The following DPP6 variants were observed in gnomAD, a reference collection of about 807,000 sequenced individuals.
DPP6 encodes the protein dipeptidyl peptidase like 6.
Under a neutral mutation model 122.6 loss-of-function variants are expected in DPP6, and 69 were observed. The observed-to-expected ratio is 0.56, with a 90% CI of 0.46 to 0.69. The LOEUF is 0.69. DPP6 is among the 30% of genes least tolerant of loss of function. The pLI is 0.00. For synonymous variants in DPP6, 418 were observed against 433.1 expected (o/e 0.97, Z 0.43); for missense variants, 928 against 1,116.9 (o/e 0.83, Z 2.41).
At position 154,647,898 on chromosome 7, in the gene DPP6, C is replaced by T. The variant is rs562677113; in HGVS notation, c.680+10025C>T. On this transcript the variant is annotated intron_variant, in intron 6 of 25. Coordinates refer to ENST00000377770, the MANE Select transcript of DPP6 (RefSeq NM_130797.4). Reference sequence around the variant, plus strand: ...AAAGAGAAAGGCCCATGGGTGTCTCCCTGGGTGGCCAAGCCTGGTTCATGT... The same window carrying T: ...AAAGAGAAAGGCCCATGGGTGTCTCTCTGGGTGGCCAAGCCTGGTTCATGT... 3.9e-5 allele frequency among the ~76,000 whole-genome samples: 6 copies of T among 151,990 alleles called. No individual in the cohort carries two copies. In the South Asian group the frequency reaches 1.3e-3, roughly 32 times the overall value.
chr7:154,184,002 G>T (rs533797355), intron 1 of DPP6, among the ~76,000 whole-genome samples: 6 of 152,252 alleles, frequency 3.9e-5, no homozygotes, highest in African/African-American at 1.4e-4. Flanking sequence ...AGATTAAGTG[G>T]ATAATGGCCA....
At chr7:153,825,551 C>G in the DPP6 span, among the ~76,000 whole-genome samples, 4 of 151,240 alleles carry the variant, frequency 2.6e-5, no homozygotes, top group Non-Finnish European at 4.4e-5. Context: ...CCATTTTTTT[C>G]TTTTGTTTTG....
intron 1 of DPP6, among the ~76,000 whole-genome samples, chr7:154,062,003 A>G: frequency 1.0e-5 from 1 of 97,596 alleles, no homozygotes; most frequent in Admixed American, 1.1e-4. Context: ...GGCTGTTGGT[A>G]CCCCCATCGC....
intron 1 of DPP6, among the ~76,000 whole-genome samples, chr7:154,388,629 C>T (rs1352244999): frequency 1.3e-5 from 2 of 151,972 alleles, no homozygotes; most frequent in East Asian, 3.9e-4. Context: ...GCCCTGATGC[C>T]CAGGCCAGCG....
At chr7:154,273,830 G>A (rs1470631839) in intron 1 of DPP6, among the ~76,000 whole-genome samples, 1 of 152,202 alleles carries the variant, frequency 6.6e-6, no homozygotes, top group East Asian at 1.9e-4. Context: ...ACAATTAGGA[G>A]AAAAATTGGA....
At chr7:154,824,145 G>C (rs188723327) in intron 16 of DPP6, among the ~76,000 whole-genome samples, 2 of 152,240 alleles carry the variant, frequency 1.3e-5, no homozygotes, top group Admixed American at 1.3e-4. Context: ...AGGATTCCTC[G>C]CCTTACACAA....
chr7:154,821,657 TATATATAC>T lies in DPP6; in HGVS notation c.1666+14547_1666+14554del, dbSNP rs1382979650. 8.8e-3 allele frequency among the ~76,000 whole-genome samples: 1,266 copies of T among 144,098 alleles called. 15 individuals carry two copies. Among genetic ancestry groups the T allele is most frequent in the African/African-American group, 0.031 (1,205 of 38,262 alleles). 94.5% of individuals were successfully genotyped at this position (144,098 alleles called of 152,430 possible). A position where few individuals can be genotyped will look rare whatever the true frequency, so the allele number is the denominator to read the frequency against. ...ATATATATATATATACACATATATATATATATACACATATATATATACACACACATATA... is the reference window on the plus strand; with the variant it reads ...ATATATATATATATACACATATATATACATATATATATACACACACATATA... On this transcript the variant is annotated intron_variant, in intron 16 of 25. Coordinates refer to ENST00000377770, the MANE Select transcript of DPP6 (RefSeq NM_130797.4). This position sits in a 1 kb window ranked among gnomAD's most constrained non-coding sequence, Gnocchi z 4.2.
intron 6 of DPP6, among the ~76,000 whole-genome samples, chr7:154,662,469 C>T (rs564111734): frequency 1.2e-5 from 1 of 80,006 alleles, no homozygotes; most frequent in East Asian, 4.4e-4. Context: ...GCGTATCAGC[C>T]GTAGTGTTCA....
intron 1 of DPP6, among the ~76,000 whole-genome samples, chr7:154,288,752 C>T: frequency 6.6e-6 from 1 of 152,108 alleles, no homozygotes; most frequent in East Asian, 1.9e-4. Context: ...TAATCAGGCG[C>T]TGTTTTAAGC....
At chr7:154,741,715 G>T (rs1176500732) in intron 8 of DPP6, among the ~76,000 whole-genome samples, 1 of 152,178 alleles carries the variant, frequency 6.6e-6, no homozygotes, top group African/African-American at 2.4e-5. Flanking sequence ...AGGCAGCCAG[G>T]CCAGCTGAAG....
intron 7 of DPP6, among the ~76,000 whole-genome samples, chr7:154,702,179 T>C (rs1840568722): frequency 1.3e-5 from 2 of 152,254 alleles, no homozygotes; most frequent in African/African-American, 4.8e-5. Flanking sequence ...ATAAACATTG[T>C]GTGTTCTGAC....
At chr7:154,676,687 C>T (rs952029471) in intron 7 of DPP6, among the ~76,000 whole-genome samples, 8 of 152,220 alleles carry the variant, frequency 5.3e-5, no homozygotes, top group East Asian at 3.8e-4. Flanking sequence ...CCAGAGAGAC[C>T]GGATGGAGTG....
the DPP6 span, among the ~76,000 whole-genome samples, chr7:153,755,126 A>G: frequency 6.6e-6 from 1 of 151,984 alleles, no homozygotes; most frequent in Non-Finnish European, 1.5e-5. Flanking sequence ...GAAACTCTGC[A>G]TTCTGTTTTG....
intron 1 of DPP6, among the ~76,000 whole-genome samples, chr7:154,027,826 C>T (rs1799022177): frequency 2.0e-5 from 3 of 151,914 alleles, no homozygotes; most frequent in African/African-American, 7.3e-5. Flanking sequence ...CTTCCAGTAT[C>T]TTCCTTCAGC....
intron 1 of DPP6, among the ~76,000 whole-genome samples, chr7:154,437,926 C>G (rs972282197): frequency 1.3e-5 from 2 of 151,962 alleles, no homozygotes; most frequent in African/African-American, 4.8e-5. Flanking sequence ...GACAGTGAGA[C>G]TCCATCTGAA....
chr7:154,589,444 A>G lies in DPP6; in HGVS notation c.627+22528A>G, dbSNP rs564852542. Among the ~76,000 whole-genome samples, 301 of 152,260 alleles carry G rather than the reference A, an allele frequency of 2.0e-3. 1 individual carries two copies. The highest frequency in any genetic ancestry group is 6.8e-3 in the Middle Eastern group (2 of 294). On this transcript the variant is annotated intron_variant, in intron 5 of 25. Coordinates refer to ENST00000377770, the MANE Select transcript of DPP6 (RefSeq NM_130797.4). Reference sequence around the variant, plus strand: ...GCTTTTGCAAAGTTCTTCATCAGCTAATTTAAGTCTGCTTTTTAAAACTTC... The same window carrying G: ...GCTTTTGCAAAGTTCTTCATCAGCTGATTTAAGTCTGCTTTTTAAAACTTC...
intron 1 of DPP6, among the ~76,000 whole-genome samples, chr7:154,061,650 T>C (rs1801916995): frequency 7.2e-6 from 1 of 139,616 alleles, no homozygotes; most frequent in African/African-American, 2.7e-5. Context: ...AGGCGGGGAC[T>C]CAGAGCCAAC....
intron 1 of DPP6, among the ~76,000 whole-genome samples, chr7:154,281,171 G>A (rs1418477299): frequency 6.6e-6 from 1 of 151,804 alleles, no homozygotes; most frequent in Non-Finnish European, 1.5e-5. Flanking sequence ...CACCACCACG[G>A]CCAGCTAATT....
intron 1 of DPP6, among the ~76,000 whole-genome samples, chr7:153,931,783 C>T (rs1486543864): frequency 6.6e-6 from 1 of 152,162 alleles, no homozygotes; most frequent in South Asian, 2.1e-4. Flanking sequence ...ATTTCAACAG[C>T]CTCTTAAAAG....
Sources: gnomAD v4.1 joint callset for allele counts (sites outside exome capture counted in the v4.1 genomes callset) on GRCh38, gnomAD v4.1.1 for gene constraint, Gnocchi (gnomAD v3.1) non-coding constraint, MANE v1.5 for transcripts, NCBI Gene and HGNC (gene_info 2026-07-23, HGNC 2026-07-21) for gene names.